LTC4S: variants seen among roughly 807,000 people sequenced by gnomAD.
The protein encoded by LTC4S is LTC4 synthase.
A neutral mutation model predicts 19.6 loss-of-function variants in LTC4S; 18 were observed. The observed-to-expected ratio is 0.92, with a 90% CI of 0.64 to 1.36. The LOEUF (loss-of-function observed/expected upper bound fraction) is 1.36, where lower values mean the gene tolerates loss of function less well. LTC4S is among the 40% of genes most tolerant of loss of function. LTC4S has a pLI of 0.00. For missense variants in LTC4S, 235 were observed against 212.2 expected, an observed-to-expected ratio of 1.11 and a Z score of -0.67; for synonymous variants, 126 against 110.1, an observed-to-expected ratio of 1.14 and a Z score of -0.91.
chr5:179,794,490 C>T (rs1756549360), intron 1 of LTC4S, among the ~76,000 whole-genome samples: 1 of 152,206 alleles, frequency 6.6e-6, no homozygotes, highest in African/African-American at 2.4e-5. Flanking sequence ...AGGTGGGACT[C>T]CTTCCTCCAG....
rs935157006 is a variant in LTC4S, at chr5:179,796,023, G to T, written c.311+1G>T. 3.3e-6 allele frequency: 5 copies of T among 1,522,162 alleles called. No individual in the cohort carries two copies. The East Asian group carries it at 7.6e-5, about 23-fold the overall frequency. The allele number at this position is 1,522,162 out of a possible 1,614,324, so 94.3% of individuals were successfully genotyped here. A position where few individuals can be genotyped will look rare whatever the true frequency, so the allele number is the denominator to read the frequency against. ...GCTACGCGCGCTCCGCGCAGCTCAGGTGAGGGCCGGGCGGGGAGCGGGGCG... is the reference window on the plus strand; with the variant it reads ...GCTACGCGCGCTCCGCGCAGCTCAGTTGAGGGCCGGGCGGGGAGCGGGGCG... On this transcript the variant is annotated splice_donor_variant, in intron 4 of 4. Transcript: ENST00000292596. LOFTEE classifies it high-confidence loss of function.
chr5:179,796,551 C>T lies in LTC4S; in HGVS notation c.*157C>T, dbSNP rs1756637718. On this transcript the variant is annotated 3_prime_UTR_variant, in exon 5 of 5. Coordinates refer to ENST00000292596, the MANE Select transcript of LTC4S (RefSeq NM_145867.2). ...CTCTGGGTCCGCGGGGGTGGCGCACCGCGGGCTACGGAGCCTGGAGGGGCC... is the reference window on the plus strand; with the variant it reads ...CTCTGGGTCCGCGGGGGTGGCGCACTGCGGGCTACGGAGCCTGGAGGGGCC... 22 of 1,181,238 alleles carry T rather than the reference C, an allele frequency of 1.9e-5. No individual in the cohort carries two copies. Among genetic ancestry groups the T allele is most frequent in the Non-Finnish European group, 2.3e-5 (21 of 918,350 alleles). 73.2% of individuals were successfully genotyped at this position (1,181,238 alleles called of 1,614,324 possible). A position where few individuals can be genotyped will look rare whatever the true frequency, so the allele number is the denominator to read the frequency against.
At chr5:179,794,934 A>C (rs1756559746) in intron 1 of LTC4S, among the ~76,000 whole-genome samples, 1 of 152,148 alleles carries the variant, frequency 6.6e-6, no homozygotes, top group Non-Finnish European at 1.5e-5. Context: ...TCCTGGGGTT[A>C]GGCTAGGAGA....
At chr5:179,794,777 G>A (rs936855262) in intron 1 of LTC4S, among the ~76,000 whole-genome samples, 1 of 152,204 alleles carries the variant, frequency 6.6e-6, no homozygotes, top group Non-Finnish European at 1.5e-5. Flanking sequence ...GGGGGAGATG[G>A]TCCGACGGGA....
In LTC4S at chr5:179,796,341, G is replaced by T; in HGVS notation, c.400G>T (p.Ala134Ser). The change falls in exon 5 of 5, where the codon GCG becomes TCG. Residue 134 changes from alanine to serine, a missense_variant. By Grantham distance (99) the Ala-to-Ser change is moderately conservative. Transcript: ENST00000292596. The part of the protein sequence containing the change: ...LGLLAHFLPA[A>S]LRAALLGRLR... ...CCTGCTCGCCCACTTCCTCCCGGCC[G>T]CGCTGCGCGCCGCGCTCCTCGGACG... The T allele has an allele frequency of 6.7e-7, 1 of 1,489,362 alleles. No individual in the cohort carries two copies. The highest frequency in any genetic ancestry group is 8.9e-7 in the Non-Finnish European group (1 of 1,127,362). The allele number at this position is 1,489,362 out of a possible 1,614,324, so 92.3% of individuals were successfully genotyped here. A position where few individuals can be genotyped will look rare whatever the true frequency, so the allele number is the denominator to read the frequency against.
At position 179,795,309 on chromosome 5, in the gene LTC4S, T is replaced by G. The variant is rs1756567925; in HGVS notation, c.59-275T>G. On this transcript the variant is annotated intron_variant, in intron 1 of 4. Transcript: ENST00000292596. ...CTCGCGGAGCAGGTGTCCCTGTGCC[T>G]GAATCACTCACCCTCCCCCATACAC... is the stretch of plus-strand genomic sequence containing the variant. 4.0e-6 allele frequency: 5 copies of G among 1,252,390 alleles called. No individual in the cohort carries two copies. The South Asian group carries it at 7.4e-5, about 19-fold the overall frequency. 77.6% of individuals were successfully genotyped at this position (1,252,390 alleles called of 1,614,324 possible). A position where few individuals can be genotyped will look rare whatever the true frequency, so the allele number is the denominator to read the frequency against.
In LTC4S at chr5:179,794,004, CCT is replaced by C. The variant is rs1756536249; in HGVS notation, c.-74_-73del. 2 of 1,609,518 alleles carry C rather than the reference CCT, an allele frequency of 1.2e-6. No homozygotes were observed. The highest frequency in any genetic ancestry group is 2.2e-5 in the East Asian group (1 of 44,668). ...GGCTGCTCTTCCTCTCCTGGGCCGT[CCT>C]CTGAGCAGCAGACGGGGCTAAGCGT... On this transcript the variant is annotated 5_prime_UTR_variant, in exon 1 of 5. Coordinates refer to ENST00000292596, the MANE Select transcript of LTC4S (RefSeq NM_145867.2).
Position 179,795,824 on chromosome 5 carries a change from C to A in LTC4S, c.197C>A (p.Thr66Lys). 1 of 1,606,756 alleles carries A rather than the reference C, an allele frequency of 6.2e-7. No homozygotes were observed. Among genetic ancestry groups the A allele is most frequent in the Non-Finnish European group, 8.5e-7 (1 of 1,178,334 alleles). The change falls in exon 3 of 5, where the codon ACG becomes AAG. Residue 66 changes from threonine to lysine, a missense_variant. Coordinates refer to ENST00000292596, the MANE Select transcript of LTC4S (RefSeq NM_145867.2). ...CSEYFPLFLA[T>K]LWVAGIFFHE... ...GAGTACTTCCCGCTGTTCCTCGCCACGCTCTGGGTCGCCGGCATCTTCTTT... is the reference window on the plus strand; with the variant it reads ...GAGTACTTCCCGCTGTTCCTCGCCAAGCTCTGGGTCGCCGGCATCTTCTTT...
chr5:179,796,005 G>A lies in LTC4S; in HGVS notation c.294G>A (p.Ala98=), dbSNP rs956691548. ...GCCTCCGCTACTTCCAGGGCTACGC[G>A]CGCTCCGCGCAGCTCAGGTGAGGGC... ...FARLRYFQGY[A]RSAQLRLAPL... Residue 98 remains alanine (A), a synonymous_variant, in exon 4 of 5, where the codon GCG becomes GCA. Transcript: ENST00000292596. 3.3e-6 allele frequency: 5 copies of A among 1,532,784 alleles called. No homozygotes were observed. The African/African-American group carries it at 6.9e-5, about 21-fold the overall frequency. 94.9% of individuals were successfully genotyped at this position (1,532,784 alleles called of 1,614,324 possible).
In LTC4S at chr5:179,796,436, G is replaced by A. The variant is rs1352894689; in HGVS notation, c.*42G>A. The A allele has an allele frequency of 4.1e-6, 6 of 1,462,522 alleles. No individual in the cohort carries two copies. In the South Asian group the frequency reaches 6.5e-5, roughly 16 times the overall value. The allele number at this position is 1,462,522 out of a possible 1,614,324, so 90.6% of individuals were successfully genotyped here. On this transcript the variant is annotated 3_prime_UTR_variant, in exon 5 of 5. Transcript: ENST00000292596. ...CCGACGGAGCCGGGAAAGAAGAGCC[G>A]GAGCCTCCAGCTGCCCCGGGGAGGG...
chr5:179,794,000 C>T lies in LTC4S; in HGVS notation c.-81C>T. 1.9e-6 allele frequency: 3 copies of T among 1,607,122 alleles called. No individual in the cohort carries two copies. Among genetic ancestry groups the T allele is most frequent in the Non-Finnish European group, 2.5e-6 (3 of 1,176,796 alleles). ...CCGAGGCTGCTCTTCCTCTCCTGGG[C>T]CGTCCTCTGAGCAGCAGACGGGGCT... On this transcript the variant is annotated 5_prime_UTR_variant, in exon 1 of 5. Coordinates refer to ENST00000292596, the MANE Select transcript of LTC4S (RefSeq NM_145867.2).
In LTC4S at chr5:179,796,334, C is replaced by G; in HGVS notation, c.393C>G (p.Leu131=). The part of the protein sequence containing the change: ...LAALGLLAHF[L]PAALRAALLG... The stretch of plus-strand genomic sequence containing the variant: ...CGCTCGGCCTGCTCGCCCACTTCCT[C>G]CCGGCCGCGCTGCGCGCCGCGCTCC... Residue 131 remains leucine, a synonymous_variant, in exon 5 of 5, where the codon CTC becomes CTG. Transcript: ENST00000292596. 6.7e-7 allele frequency: 1 copy of G among 1,488,034 alleles called. No homozygotes were observed. Among genetic ancestry groups the G allele is most frequent in the Non-Finnish European group, 8.9e-7 (1 of 1,126,758 alleles). The allele number at this position is 1,488,034 out of a possible 1,614,324, so 92.2% of individuals were successfully genotyped here. A position where few individuals can be genotyped will look rare whatever the true frequency, so the allele number is the denominator to read the frequency against.
intron 1 of LTC4S, among the ~76,000 whole-genome samples, chr5:179,794,562 G>C (rs573636091): frequency 6.6e-6 from 1 of 152,352 alleles, no homozygotes; most frequent in Admixed American, 6.5e-5. Context: ...ACATTCCTTG[G>C]CCAGATATCC....
At position 179,796,519 on chromosome 5, in the gene LTC4S, C is replaced by A; in HGVS notation, c.*125C>A. 2.3e-6 allele frequency: 3 copies of A among 1,282,716 alleles called. No individual in the cohort carries two copies. The South Asian group carries it at 6.1e-5, about 26-fold the overall frequency. 79.5% of individuals were successfully genotyped at this position (1,282,716 alleles called of 1,614,324 possible). A position where few individuals can be genotyped will look rare whatever the true frequency, so the allele number is the denominator to read the frequency against. On this transcript the variant is annotated 3_prime_UTR_variant, in exon 5 of 5. Transcript: ENST00000292596. ...AAAGTTCTAGTGACCGAGACCCGGGCTGCGTTCTCTGGGTCCGCGGGGGTG... is the reference window on the plus strand; with the variant it reads ...AAAGTTCTAGTGACCGAGACCCGGGATGCGTTCTCTGGGTCCGCGGGGGTG...
Position 179,796,563 on chromosome 5 carries a change from A to G in LTC4S, c.*169A>G. On this transcript the variant is annotated 3_prime_UTR_variant, in exon 5 of 5. Coordinates refer to ENST00000292596, the MANE Select transcript of LTC4S (RefSeq NM_145867.2). ...GGGGGTGGCGCACCGCGGGCTACGG[A>G]GCCTGGAGGGGCCCAGCCCGAGTCC... The G allele has an allele frequency of 3.6e-6, 4 of 1,099,470 alleles. No individual in the cohort carries two copies. The highest frequency in any genetic ancestry group is 1.7e-5 in the African/African-American group (1 of 60,216). 68.1% of individuals were successfully genotyped at this position (1,099,470 alleles called of 1,614,324 possible).
Position 179,796,458 on chromosome 5 carries a change from A to C in LTC4S, c.*64A>C. ...GCCGGAGCCTCCAGCTGCCCCGGGG[A>C]GGGGCGCTCGCTTCCGCATCCTAGT... On this transcript the variant is annotated 3_prime_UTR_variant, in exon 5 of 5. Coordinates refer to ENST00000292596, the MANE Select transcript of LTC4S (RefSeq NM_145867.2). The C allele has an allele frequency of 8.5e-6, 12 of 1,419,134 alleles. No homozygotes were observed. Among genetic ancestry groups the C allele is most frequent in the Non-Finnish European group, 1.1e-5 (12 of 1,091,408 alleles). The allele number at this position is 1,419,134 out of a possible 1,614,324, so 87.9% of individuals were successfully genotyped here. A position where few individuals can be genotyped will look rare whatever the true frequency, so the allele number is the denominator to read the frequency against.
intron 2 of LTC4S, 47 bp from the exon 3 acceptor site, chr5:179,795,739 C>A: frequency 6.4e-7 from 1 of 1,565,320 alleles, no homozygotes; most frequent in Non-Finnish European, 8.6e-7. Context: ...GGGTCCGGGT[C>A]GCAGGACCAT....
chr5:179,795,499 A>T, intron 1 of LTC4S, 85 bp from the exon 2 acceptor site: 2 of 1,531,826 alleles, frequency 1.3e-6, no homozygotes, highest in Non-Finnish European at 1.8e-6. Context: ...GGCCAAGTGA[A>T]GGGCCAGATT....
chr5:179,796,153 A>T (rs1756615589), intron 4 of LTC4S, 100 bp from the exon 5 acceptor site: 1 of 1,256,288 alleles, frequency 8.0e-7, no homozygotes, highest in Non-Finnish European at 1.0e-6. Context: ...TCGGTGGGCG[A>T]GCCCTGGCGG....
Sources: allele counts gnomAD v4.1 joint callset (sites outside exome capture counted in the v4.1 genomes callset), GRCh38; gene constraint gnomAD v4.1.1; transcripts MANE v1.5; gene names NCBI Gene and HGNC (gene_info 2026-07-23, HGNC 2026-07-21).